EPHA6: variants seen among roughly 807,000 people sequenced by gnomAD.
EPHA6 encodes EPH receptor A6.
In EPHA6, 50 loss-of-function variants were observed where a neutral mutation model predicts 112.0. The ratio of observed to expected loss-of-function variants is 0.45; its 90% CI spans 0.36 to 0.56. The LOEUF is 0.56. Among genes scored for constraint, EPHA6 ranks in the 20% least tolerant of loss-of-function variants. The pLI, the probability that EPHA6 is intolerant of heterozygous loss-of-function variation, is 0.00. For synonymous variants in EPHA6, 529 were observed against 490.7 expected, an observed-to-expected ratio of 1.08 and a Z score of -1.03; for missense variants, 1,280 against 1,417.4, an observed-to-expected ratio of 0.90 and a Z score of 1.56.
At chr3:97,418,542 G>A (rs1172141841) in intron 6 of EPHA6, among the ~76,000 whole-genome samples, 1 of 152,044 alleles carries the variant, frequency 6.6e-6, no homozygotes, top group Admixed American at 6.6e-5. Context: ...GTAGACAGTT[G>A]AAAATAGTAC....
At chr3:97,009,743 T>A (rs1207111037) in intron 3 of EPHA6, among the ~76,000 whole-genome samples, 2 of 152,190 alleles carry the variant, frequency 1.3e-5, no homozygotes, top group East Asian at 1.9e-4. Context: ...ATGAGTGGGA[T>A]CTTTCGATCC....
intron 5 of EPHA6, among the ~76,000 whole-genome samples, chr3:97,388,902 C>G (rs1036090124): frequency 1.3e-5 from 2 of 152,078 alleles, no homozygotes; most frequent in African/African-American, 4.8e-5. Flanking sequence ...GTTTTTTCTG[C>G]AGCACAGTGT....
At chr3:97,692,540 G>C (rs906201509) in intron 14 of EPHA6, among the ~76,000 whole-genome samples, 3 of 152,094 alleles carry the variant, frequency 2.0e-5, no homozygotes, top group Admixed American at 2.0e-4. Context: ...CTTCAGCGCC[G>C]AATCCTCAGC....
At chr3:97,733,385 C>A (rs1327069101) in intron 15 of EPHA6, among the ~76,000 whole-genome samples, 1 of 152,072 alleles carries the variant, frequency 6.6e-6, no homozygotes, top group African/African-American at 2.4e-5. Flanking sequence ...TTGCTTGATG[C>A]AGCAGTTTTT....
At chr3:97,048,210 G>C (rs1259312425) in intron 3 of EPHA6, among the ~76,000 whole-genome samples, 2 of 152,132 alleles carry the variant, frequency 1.3e-5, no homozygotes, top group African/African-American at 4.8e-5. Context: ...TCATGCTAAG[G>C]CTGAATCTTT....
At position 97,170,294 on chromosome 3, in the gene EPHA6, T is replaced by C. The variant is rs542701975; in HGVS notation, c.1115-55970T>C. Among the ~76,000 whole-genome samples the C allele has an allele frequency of 2.5e-3, 377 of 152,226 alleles. 1 individual carries two copies. Among genetic ancestry groups the C allele is most frequent in the African/African-American group, 8.6e-3 (356 of 41,542 alleles). ...AGTGCAACTTTATTTGTACACAAAA[T>C]TGAATCAAGAAATCCATGTTTTATG... On this transcript the variant is annotated intron_variant, in intron 3 of 17. Transcript: ENST00000389672.
rs566072416 is a variant in EPHA6 at position 97,605,043 on chromosome 3, G to A, written c.2513-5750G>A. ...TTTAGAATGGGAGACAGACACCTAT[G>A]TTGTTAACATTAATACTGTACCGTA... On this transcript the variant is annotated intron_variant, in intron 12 of 17. Transcript: ENST00000389672. Among the ~76,000 whole-genome samples, 273 of 151,602 alleles carry A rather than the reference G, an allele frequency of 1.8e-3. 1 individual carries two copies. The highest frequency in any genetic ancestry group is 2.2e-3 in the Non-Finnish European group (149 of 67,648).
intron 2 of EPHA6, among the ~76,000 whole-genome samples, chr3:96,917,134 T>G (rs1376752525): frequency 6.6e-6 from 1 of 151,986 alleles, no homozygotes; most frequent in Admixed American, 6.6e-5. Flanking sequence ...AAACACACAT[T>G]TTTTGGCCGG....
chr3:97,280,586 C>A (rs1050552457), intron 5 of EPHA6, among the ~76,000 whole-genome samples: 8 of 152,136 alleles, frequency 5.3e-5, no homozygotes, highest in African/African-American at 1.7e-4. Flanking sequence ...TGGATTATCT[C>A]TATGGTCTCT....
At chr3:97,007,560 A>G (rs192957817) in intron 3 of EPHA6, among the ~76,000 whole-genome samples, 9 of 152,220 alleles carry the variant, frequency 5.9e-5, no homozygotes, top group African/African-American at 2.2e-4. Flanking sequence ...TCCTTATCCA[A>G]ATCACCAGTC....
intron 14 of EPHA6, among the ~76,000 whole-genome samples, chr3:97,659,033 A>G (rs911850759): frequency 6.6e-6 from 1 of 151,988 alleles, no homozygotes; most frequent in East Asian, 1.9e-4. Context: ...TAGTATGTAT[A>G]TTTATTAAAG....
At chr3:97,322,828 G>T (rs745815065) in intron 5 of EPHA6, among the ~76,000 whole-genome samples, 3 of 151,852 alleles carry the variant, frequency 2.0e-5, no homozygotes, top group Non-Finnish European at 2.9e-5. Context: ...TTTAATTATG[G>T]TATTTGATTC....
At chr3:97,054,342 A>G (rs534705573) in intron 3 of EPHA6, among the ~76,000 whole-genome samples, 1 of 152,262 alleles carries the variant, frequency 6.6e-6, no homozygotes, top group East Asian at 1.9e-4. Context: ...CCAGACTGCA[A>G]TTCACAAACA....
intron 14 of EPHA6, among the ~76,000 whole-genome samples, chr3:97,646,955 A>G (rs1456256698): frequency 6.6e-6 from 1 of 152,104 alleles, no homozygotes; most frequent in African/African-American, 2.4e-5. Flanking sequence ...TATGTACTTC[A>G]GGGGCCACAT....
At chr3:97,293,189 G>A (rs2080755359) in intron 5 of EPHA6, among the ~76,000 whole-genome samples, 1 of 152,220 alleles carries the variant, frequency 6.6e-6, no homozygotes, top group Non-Finnish European at 1.5e-5. Flanking sequence ...TCAGCAGAGA[G>A]GAGACCCGTG....
intron 12 of EPHA6, among the ~76,000 whole-genome samples, chr3:97,601,781 A>G (rs1196990712): frequency 6.6e-6 from 1 of 152,134 alleles, no homozygotes. Flanking sequence ...TATTTTTGCC[A>G]TTATAATTAA....
At chr3:96,905,853 C>T (rs373822568) in intron 2 of EPHA6, among the ~76,000 whole-genome samples, 198 of 151,998 alleles carry the variant, frequency 1.3e-3, no homozygotes, top group Middle Eastern at 6.8e-3. Context: ...CCTAGATTAC[C>T]TACACTTTGC....
rs547749752 is a variant in EPHA6, at chr3:97,419,243, C to T, written c.1731+13969C>T. ...GCCTGAACCCAGGAGGTGGAAGTTG[C>T]GGTGAGCCGAGATCCTGCCATTGCA... On this transcript the variant is annotated intron_variant, in intron 6 of 17. Transcript: ENST00000389672. 4.0e-5 allele frequency among the ~76,000 whole-genome samples: 6 copies of T among 151,864 alleles called. 1 individual carries two copies. In the South Asian group the frequency reaches 1.3e-3, roughly 32 times the overall value.
chr3:97,760,081 G>C lies in EPHA6; in HGVS notation c.*11380G>C, dbSNP rs554377173. 4.0e-4 allele frequency: 74 copies of C among 183,144 alleles called. No homozygotes were observed. In the South Asian group the frequency reaches 9.2e-3, roughly 23 times the overall value. 11.3% of individuals were successfully genotyped at this position (183,144 alleles called of 1,614,324 possible). A position where few individuals can be genotyped will look rare whatever the true frequency, so the allele number is the denominator to read the frequency against. ...TAAAATTAGCTTAATCCTGAAAGAT[G>C]TATATTGCATAATCAACCTGTCACT... On this transcript the variant is annotated 3_prime_UTR_variant, in exon 18 of 18. Transcript: ENST00000389672.
Sources: allele counts gnomAD v4.1 joint callset (sites outside exome capture counted in the v4.1 genomes callset), GRCh38; gene constraint gnomAD v4.1.1; transcripts MANE v1.5; gene names NCBI Gene and HGNC (gene_info 2026-07-23, HGNC 2026-07-21).